Variants in ALOX5AP observed in about 807,000 individuals in gnomAD.
ALOX5AP encodes the protein arachidonate 5-lipoxygenase-activating protein.
In ALOX5AP, 9 loss-of-function variants were observed where a neutral mutation model predicts 18.5. That is an observed-to-expected ratio of 0.49 (90% CI 0.29 to 0.85). ALOX5AP has a LOEUF of 0.85. Ranked by LOEUF, ALOX5AP falls within the 40% of genes least tolerant of loss-of-function variation. The probability of loss-of-function intolerance (pLI) is 0.08; values close to 1 mark genes in which losing one functional copy is unlikely to be tolerated. For synonymous variants in ALOX5AP, 81 were observed against 78.6 expected (o/e 1.03, Z -0.16); for missense variants, 172 against 202.5 (o/e 0.85, Z 0.91).
Position 30,736,686 on chromosome 13 carries a change from C to T in ALOX5AP, c.70+1011C>T, listed in dbSNP as rs182985717. On this transcript the variant is annotated intron_variant, in intron 1 of 4. Transcript: ENST00000380490. ...CCTTCTGGGCACAGAGCAAGCCTCC[C>T]CCTCAGCCTCTGCACCAGAAAGGCT... 1.5e-3 allele frequency among the ~76,000 whole-genome samples: 227 copies of T among 152,242 alleles called. 1 individual carries two copies. Among genetic ancestry groups the T allele is most frequent in the Admixed American group, 7.5e-3 (115 of 15,290 alleles).
chr13:30,759,038 C>T (rs550859283), intron 4 of ALOX5AP, among the ~76,000 whole-genome samples: 4 of 152,258 alleles, frequency 2.6e-5, no homozygotes, highest in African/African-American at 4.8e-5. Flanking sequence ...AGGCTGGTCT[C>T]GAACTGCTGA....
intron 1 of ALOX5AP, among the ~76,000 whole-genome samples, chr13:30,740,121 A>T (rs1951751187): frequency 6.6e-6 from 1 of 152,084 alleles, no homozygotes; most frequent in Admixed American, 6.6e-5. Context: ...TTCTAAGAAC[A>T]CCTATGCAGA....
upstream of ALOX5AP, among the ~76,000 whole-genome samples, chr13:30,731,914 G>A (rs1288548303): frequency 2.6e-5 from 4 of 152,350 alleles, no homozygotes; most frequent in South Asian, 2.1e-4. Context: ...TCCCCTCCCC[G>A]GCTCTCCCGG....
intron 2 of ALOX5AP, among the ~76,000 whole-genome samples, chr13:30,751,125 G>A (rs1458716780): frequency 6.6e-6 from 1 of 152,214 alleles, no homozygotes; most frequent in African/African-American, 2.4e-5. Flanking sequence ...GTGCAGTGGT[G>A]TGATCTTGGC....
chr13:30,735,761 CTGTG>C, intron 1 of ALOX5AP, 86 bp downstream of exon 1: 1 of 1,480,758 alleles, frequency 6.8e-7, no homozygotes, highest in Non-Finnish European at 9.3e-7. Context: ...ACAATTGTGT[CTGTG>C]TGTGCGCATG....
chr13:30,762,267 G>A (rs1248041655), intron 4 of ALOX5AP, among the ~76,000 whole-genome samples: 1 of 152,192 alleles, frequency 6.6e-6, no homozygotes, highest in African/African-American at 2.4e-5. Flanking sequence ...CATAATGGCT[G>A]AGTGACTTTC....
chr13:30,721,648 G>T (rs1317431654), intron 1 of ALOX5AP, among the ~76,000 whole-genome samples: 1 of 152,152 alleles, frequency 6.6e-6, no homozygotes, highest in East Asian at 1.9e-4. Context: ...GCTCCACACT[G>T]CAGCCAGAGT....
At chr13:30,761,675 A>T (rs1951942879) in intron 4 of ALOX5AP, among the ~76,000 whole-genome samples, 1 of 152,206 alleles carries the variant, frequency 6.6e-6, no homozygotes, top group South Asian at 2.1e-4. Context: ...GTCCAAGATC[A>T]AAGTGTGGGC....
chr13:30,735,013 CGTGTGTGTGT>C (rs372877577), upstream of ALOX5AP, among the ~76,000 whole-genome samples: 67 of 150,542 alleles, frequency 4.5e-4, no homozygotes, highest in African/African-American at 1.6e-3. Flanking sequence ...TTTGTGTGTG[CGTGTGTGTGT>C]GTGTGTGAGA....
intron 4 of ALOX5AP, among the ~76,000 whole-genome samples, chr13:30,756,840 A>G (rs961748482): frequency 8.1e-6 from 1 of 124,196 alleles, no homozygotes; most frequent in Non-Finnish European, 1.8e-5. Flanking sequence ...AAAAAAAAAA[A>G]GATGCAGACA....
In ALOX5AP at chr13:30,752,184, G is replaced by A. The variant is rs530927922; in HGVS notation, c.241+62G>A. 3.6e-4 allele frequency: 560 copies of A among 1,553,696 alleles called. 2 individuals carry two copies. In the African/African-American group the frequency reaches 6.6e-3, roughly 18 times the overall value. On this transcript the variant is annotated intron_variant, in intron 3 of 4. Coordinates refer to ENST00000380490, the MANE Select transcript of ALOX5AP (RefSeq NM_001629.4). ...AAAGTGCATCTCAAGGAGGTTCAAAGGGCAGGCTTTTTGTTGAAAGGACTT... is the reference window on the plus strand; with the variant it reads ...AAAGTGCATCTCAAGGAGGTTCAAAAGGCAGGCTTTTTGTTGAAAGGACTT...
chr13:30,740,463 T>C (rs1323127816), intron 1 of ALOX5AP, among the ~76,000 whole-genome samples: 1 of 152,212 alleles, frequency 6.6e-6, no homozygotes, highest in African/African-American at 2.4e-5. Flanking sequence ...TCTCTATCTG[T>C]GTCTTTGTCT....
intron 3 of ALOX5AP, among the ~76,000 whole-genome samples, chr13:30,754,550 A>C (rs550675158): frequency 6.6e-6 from 1 of 152,194 alleles, no homozygotes; most frequent in East Asian, 1.9e-4. Flanking sequence ...AAAACTGCCA[A>C]TATCTGGCTA....
At chr13:30,725,025 G>A in intron 1 of ALOX5AP, among the ~76,000 whole-genome samples, 1 of 152,312 alleles carries the variant, frequency 6.6e-6, no homozygotes, top group Non-Finnish European at 1.5e-5. Context: ...GGCTAGCTGA[G>A]GCACTACATC....
intron 2 of ALOX5AP, among the ~76,000 whole-genome samples, chr13:30,751,229 A>AT (rs1417354334): frequency 6.6e-6 from 1 of 151,846 alleles, no homozygotes; most frequent in Non-Finnish European, 1.5e-5. Context: ...ACACCTGGCT[A>AT]TTTTTTGTGT....
chr13:30,715,045 G>T (rs1951539241), intron 1 of ALOX5AP, among the ~76,000 whole-genome samples: 1 of 152,162 alleles, frequency 6.6e-6, no homozygotes, highest in African/African-American at 2.4e-5. Context: ...TCTCTCTGGG[G>T]TTCACTGCCT....
chr13:30,723,180 C>T (rs1001557283), intron 1 of ALOX5AP, among the ~76,000 whole-genome samples: 2 of 152,156 alleles, frequency 1.3e-5, no homozygotes, highest in Non-Finnish European at 2.9e-5. Context: ...TGTTGAAAAT[C>T]CTATAAGATC....
chr13:30,727,286 C>T (rs1486311195), intron 1 of ALOX5AP, among the ~76,000 whole-genome samples: 2 of 151,990 alleles, frequency 1.3e-5, no homozygotes, highest in Non-Finnish European at 2.9e-5. Flanking sequence ...TCAAGTGACC[C>T]ACCTGCTTTG....
chr13:30,761,603 G>A (rs796180841), intron 4 of ALOX5AP, among the ~76,000 whole-genome samples: 8 of 152,282 alleles, frequency 5.3e-5, no homozygotes, highest in African/African-American at 1.9e-4. Flanking sequence ...CCATAACAAA[G>A]CACTGCAGCC....
Sources: allele counts gnomAD v4.1 joint callset (sites outside exome capture counted in the v4.1 genomes callset), GRCh38; gene constraint gnomAD v4.1.1; transcripts MANE v1.5; gene names NCBI Gene and HGNC (gene_info 2026-07-23, HGNC 2026-07-21).